Variants in FLRT1 observed in about 807,000 individuals in gnomAD.
The protein encoded by FLRT1 is leucine-rich repeat transmembrane protein FLRT1.
FLRT1 carries 14 observed loss-of-function variants against 30.9 expected under a neutral mutation model. That is an observed-to-expected ratio of 0.45 (90% CI 0.30 to 0.71). FLRT1 has a LOEUF of 0.71. Among genes scored for constraint, FLRT1 ranks in the 30% least tolerant of loss-of-function variants. The probability of loss-of-function intolerance (pLI) is 0.08; values close to 1 mark genes in which losing one functional copy is unlikely to be tolerated. For missense variants in FLRT1, 737 were observed against 949.2 expected (o/e 0.78, Z 2.94); for synonymous variants, 368 against 430.4 (o/e 0.85, Z 1.80).
chr11:64,070,592 C>T (rs1590867235), intron 1 of FLRT1, among the ~76,000 whole-genome samples: 2 of 152,198 alleles, frequency 1.3e-5, no homozygotes, highest in Admixed American at 1.3e-4. Context: ...CCCTCTCCCC[C>T]GGAGGGGCCC....
In FLRT1 at chr11:64,116,503, T is replaced by C; in HGVS notation, c.236T>C (p.Ile79Thr). The C allele has an allele frequency of 6.2e-7, 1 of 1,613,916 alleles. No homozygotes were observed. The highest frequency in any genetic ancestry group is 8.5e-7 in the Non-Finnish European group (1 of 1,179,958). ...GGACTCACATCCATCCCCGCAGATA[T>C]CCCTGATGATGCCACCACCCTCTAC... ...DRGLTSIPAD[I>T]PDDATTLYLQ... The change falls in exon 3 of 3, where the codon ATC becomes ACC. Residue 79 changes from isoleucine (I) to threonine (T), a missense_variant. By Grantham distance (89) the Ile-to-Thr change is moderately conservative. Transcript: ENST00000682287.
intron 1 of FLRT1, among the ~76,000 whole-genome samples, chr11:64,066,053 T>C (rs1374378564): frequency 6.6e-6 from 1 of 151,870 alleles, no homozygotes; most frequent in Non-Finnish European, 1.5e-5. Context: ...CCCAACACTT[T>C]GTGGGGGCTG....
At chr11:64,052,419 T>G (rs571488758) in intron 1 of FLRT1, among the ~76,000 whole-genome samples, 8 of 152,326 alleles carry the variant, frequency 5.3e-5, no homozygotes, top group Admixed American at 3.9e-4. Context: ...TCAAGCGATC[T>G]TCCATCTTAG....
intron 1 of FLRT1, among the ~76,000 whole-genome samples, chr11:64,060,205 C>T: frequency 6.6e-6 from 1 of 152,250 alleles, no homozygotes; most frequent in Non-Finnish European, 1.5e-5. Flanking sequence ...GGCAGAGAGG[C>T]CAGGCCCACA....
intron 1 of FLRT1, among the ~76,000 whole-genome samples, chr11:64,094,410 G>T (rs989800423): frequency 1.3e-5 from 2 of 149,582 alleles, no homozygotes; most frequent in East Asian, 3.9e-4. Flanking sequence ...CAGCCTGGGC[G>T]ACAGAGTGAG....
rs995868213 is a variant in FLRT1, at chr11:64,036,724, G to C, written c.-1038+565G>C. On this transcript the variant is annotated intron_variant, in intron 1 of 2. Coordinates refer to ENST00000682287, the MANE Select transcript of FLRT1 (RefSeq NM_013280.5). This position sits in a 1 kb window ranked among gnomAD's most constrained non-coding sequence, Gnocchi z 5.6. ...TCCCTCCCTGTGCGCGCTGTGGACCGTCAGCCCTGAGCCGGGCGGGGGCTG... is the reference window on the plus strand; with the variant it reads ...TCCCTCCCTGTGCGCGCTGTGGACCCTCAGCCCTGAGCCGGGCGGGGGCTG... Among the ~76,000 whole-genome samples, 7 of 152,132 alleles carry C rather than the reference G, an allele frequency of 4.6e-5. No individual in the cohort carries two copies. Among genetic ancestry groups the C allele is most frequent in the Non-Finnish European group, 1.0e-4 (7 of 68,018 alleles).
intron 1 of FLRT1, among the ~76,000 whole-genome samples, chr11:64,091,691 T>C (rs1944493763): frequency 6.6e-6 from 1 of 152,164 alleles, no homozygotes; most frequent in South Asian, 2.1e-4. Context: ...GCACAGCTGC[T>C]GAAGTTGCAC....
chr11:64,074,415 G>A (rs369707181), intron 1 of FLRT1, among the ~76,000 whole-genome samples: 4 of 152,224 alleles, frequency 2.6e-5, no homozygotes, highest in Non-Finnish European at 5.9e-5. Flanking sequence ...CTCCAGGGGT[G>A]TGGTCCACCC....
intron 2 of FLRT1, among the ~76,000 whole-genome samples, chr11:64,106,960 T>A (rs1299752382): frequency 6.6e-6 from 1 of 152,214 alleles, no homozygotes; most frequent in African/African-American, 2.4e-5. Context: ...CTCGGCTCAC[T>A]GCAACCTCCG....
chr11:64,116,447 C>T lies in FLRT1; in HGVS notation c.180C>T (p.Cys60=), dbSNP rs749956699. Residue 60 remains cysteine, a synonymous_variant, in exon 3 of 3, where the codon TGC becomes TGT. Transcript: ENST00000682287. ...CCACCTGCCCCTCGGTGTGCCGCTGCGACAACGGCTTCATCTACTGCAACG... is the reference window on the plus strand; with the variant it reads ...CCACCTGCCCCTCGGTGTGCCGCTGTGACAACGGCTTCATCTACTGCAACG... ...DSTTCPSVCR[C]DNGFIYCNDR... 39 of 1,613,928 alleles carry T rather than the reference C, an allele frequency of 2.4e-5. No homozygotes were observed. Among genetic ancestry groups the T allele is most frequent in the Non-Finnish European group, 3.1e-5 (37 of 1,180,036 alleles).
rs771072390 is a variant in FLRT1, at chr11:64,116,557, G to C, written c.290G>C (p.Gly97Ala). The change falls in exon 3 of 3, where the codon GGC becomes GCC. Residue 97 changes from glycine to alanine, a missense_variant. Physicochemically the swap from Gly to Ala is moderately conservative, Grantham distance 60 (BLOSUM62 0). Coordinates refer to ENST00000682287, the MANE Select transcript of FLRT1 (RefSeq NM_013280.5). ...CAGAACAACCAGATCAACAACGCCG[G>C]CATCCCCCAGGACCTCAAGACCAAG... The part of the protein sequence containing the change: ...YLQNNQINNA[G>A]IPQDLKTKVN... 1.2e-6 allele frequency: 2 copies of C among 1,613,852 alleles called. No homozygotes were observed. Among genetic ancestry groups the C allele is most frequent in the African/African-American group, 2.7e-5 (2 of 74,886 alleles).
chr11:64,050,018 A>G (rs1241828284), intron 1 of FLRT1, among the ~76,000 whole-genome samples: 1 of 152,152 alleles, frequency 6.6e-6, no homozygotes, highest in African/African-American at 2.4e-5. Context: ...TGCTATTAAT[A>G]TTAATAAGAA....
At chr11:64,077,588 T>C (rs1168927116) in intron 1 of FLRT1, among the ~76,000 whole-genome samples, 1 of 152,116 alleles carries the variant, frequency 6.6e-6, no homozygotes, top group East Asian at 1.9e-4. Flanking sequence ...TGTGCACACA[T>C]TCCACCTAGA....
rs555085359 is a variant in FLRT1 at position 64,104,700 on chromosome 11, C to A, written c.-50+519C>A. On this transcript the variant is annotated intron_variant, in intron 2 of 2. Coordinates refer to ENST00000682287, the MANE Select transcript of FLRT1 (RefSeq NM_013280.5). ...GGTGGGTTGATCCAAAGCTACTGCC[C>A]AAGGTCCTGCTCCTGTTGGCCCTTG... 2.0e-5 allele frequency among the ~76,000 whole-genome samples: 3 copies of A among 152,322 alleles called. No homozygotes were observed. The South Asian group carries it at 6.2e-4, about 32-fold the overall frequency.
intron 1 of FLRT1, among the ~76,000 whole-genome samples, chr11:64,085,487 G>A (rs1003339766): frequency 2.0e-5 from 3 of 152,222 alleles, no homozygotes; most frequent in Admixed American, 6.5e-5. Flanking sequence ...TGGGGCGGCC[G>A]GCTTAGCTGG....
At chr11:64,047,235 T>A (rs1268939444) in intron 1 of FLRT1, among the ~76,000 whole-genome samples, 2 of 151,958 alleles carry the variant, frequency 1.3e-5, no homozygotes, top group East Asian at 3.9e-4. Context: ...GTGGAACCAG[T>A]CAGATTCCTC....
intron 1 of FLRT1, among the ~76,000 whole-genome samples, chr11:64,079,413 G>T (rs559107784): frequency 1.3e-5 from 2 of 152,134 alleles, no homozygotes; most frequent in East Asian, 3.9e-4. Flanking sequence ...GGATGGGGGG[G>T]TGTGCGAAGA....
intron 1 of FLRT1, among the ~76,000 whole-genome samples, chr11:64,098,502 G>A (rs940454653): frequency 2.6e-5 from 4 of 152,204 alleles, no homozygotes; most frequent in East Asian, 1.9e-4. Flanking sequence ...CAGTGCCCTC[G>A]GGAGAGAGGG....
chr11:64,089,769 G>A (rs1026199703), intron 1 of FLRT1, among the ~76,000 whole-genome samples: 4 of 152,168 alleles, frequency 2.6e-5, no homozygotes, highest in African/African-American at 7.2e-5. Context: ...TCCCGTGGGG[G>A]CAGGGCTGAG....
Sources: gnomAD v4.1 joint callset for allele counts (sites outside exome capture counted in the v4.1 genomes callset) on GRCh38, gnomAD v4.1.1 for gene constraint, Gnocchi (gnomAD v3.1) non-coding constraint, MANE v1.5 for transcripts, NCBI Gene and HGNC (gene_info 2026-07-23, HGNC 2026-07-21) for gene names.